Variants in PLCB1 observed in about 807,000 individuals in gnomAD.
PLCB1 encodes the protein 1-phosphatidylinositol 4,5-bisphosphate phosphodiesterase beta-1.
Under a neutral mutation model 161.8 loss-of-function variants are expected in PLCB1, and 46 were observed. The ratio of observed to expected loss-of-function variants is 0.28; its 90% CI spans 0.22 to 0.36. The LOEUF is 0.36. PLCB1 is among the 10% of genes least tolerant of loss of function. The pLI is 1.00. For synonymous variants in PLCB1, 517 were observed against 503.7 expected (o/e 1.03, Z -0.35); for missense variants, 1,016 against 1,472.5 (o/e 0.69, Z 5.07).
chr20:8,435,927 T>A (rs572854054), intron 3 of PLCB1, among the ~76,000 whole-genome samples: 1 of 152,338 alleles, frequency 6.6e-6, no homozygotes, highest in South Asian at 2.1e-4. Flanking sequence ...TTCAGGCATC[T>A]TTAAGGATAG....
At position 8,707,934 on chromosome 20, in the gene PLCB1, G is replaced by T. The variant is rs979464194; in HGVS notation, c.1168-736G>T. 8.5e-5 allele frequency among the ~76,000 whole-genome samples: 13 copies of T among 152,230 alleles called. 1 individual carries two copies. In the South Asian group the frequency reaches 2.1e-3, roughly 24 times the overall value. ...TGGTCGGCACAAACAACCATATATT[G>T]TATGGTTACATTTATATGAAATAAT... On this transcript the variant is annotated intron_variant, in intron 11 of 31. Transcript: ENST00000338037.
intron 2 of PLCB1, among the ~76,000 whole-genome samples, chr20:8,307,604 T>C (rs530811387): frequency 1.3e-5 from 2 of 152,098 alleles, no homozygotes; most frequent in African/African-American, 4.8e-5. Flanking sequence ...CTAATCCCAA[T>C]TAATCATTAA....
intron 11 of PLCB1, among the ~76,000 whole-genome samples, chr20:8,698,303 C>T (rs1990624903): frequency 1.3e-5 from 2 of 152,112 alleles, no homozygotes; most frequent in Non-Finnish European, 2.9e-5. Flanking sequence ...GCACAAAGTA[C>T]AAATTTATAT....
chr20:8,622,415 T>C (rs1048565059), intron 3 of PLCB1, among the ~76,000 whole-genome samples: 2 of 152,210 alleles, frequency 1.3e-5, no homozygotes, highest in Admixed American at 6.5e-5. Context: ...TCCATTGATA[T>C]TCTATTGGCT....
intron 4 of PLCB1, among the ~76,000 whole-genome samples, chr20:8,631,502 C>T (rs1483348816): frequency 6.6e-6 from 1 of 152,204 alleles, no homozygotes; most frequent in Non-Finnish European, 1.5e-5. Flanking sequence ...AATAAAACCT[C>T]AGGTCCTGAC....
In PLCB1 at chr20:8,823,119, C is replaced by A. The variant is rs1443988220; in HGVS notation, c.3423+32858C>A. Among the ~76,000 whole-genome samples, 6 of 152,102 alleles carry A rather than the reference C, an allele frequency of 3.9e-5. No individual in the cohort carries two copies. The East Asian group carries it at 9.7e-4, about 25-fold the overall frequency. The stretch of plus-strand genomic sequence containing the variant: ...AACGGGCATATGCAAATACTACACC[C>A]CTTTTTTGTTTTTTGTTTTTTGAGA... On this transcript the variant is annotated intron_variant, in intron 31 of 31. Coordinates refer to ENST00000338037, the MANE Select transcript of PLCB1 (RefSeq NM_015192.4).
At chr20:8,622,210 C>G (rs1196318969) in intron 3 of PLCB1, among the ~76,000 whole-genome samples, 3 of 150,466 alleles carry the variant, frequency 2.0e-5, no homozygotes, top group Non-Finnish European at 4.4e-5. Flanking sequence ...GCCAAGATCA[C>G]GCCACTGCAT....
intron 3 of PLCB1, among the ~76,000 whole-genome samples, chr20:8,540,914 T>A (rs889418317): frequency 2.0e-5 from 3 of 152,196 alleles, no homozygotes; most frequent in Non-Finnish European, 2.9e-5. Flanking sequence ...TTTATTTATT[T>A]TTTTTACTAA....
chr20:8,724,883 A>G, intron 16 of PLCB1, 131 bp downstream of exon 16: 2 of 599,950 alleles, frequency 3.3e-6, no homozygotes, highest in South Asian at 2.1e-5. Flanking sequence ...ATATATGTAC[A>G]TTTTGACTGC....
intron 3 of PLCB1, among the ~76,000 whole-genome samples, chr20:8,531,781 CA>C (rs1229872415): frequency 6.6e-6 from 1 of 151,782 alleles, no homozygotes; most frequent in Non-Finnish European, 1.5e-5. Context: ...TGTATATGCA[CA>C]CTTGTCTTGA....
At position 8,739,350 on chromosome 20, in the gene PLCB1, C is replaced by T. The variant is rs982178151; in HGVS notation, c.2298C>T (p.Ala766=). The T allele has an allele frequency of 6.2e-7, 1 of 1,609,460 alleles. No individual in the cohort carries two copies. The highest frequency in any genetic ancestry group is 1.1e-5 in the South Asian group (1 of 90,976). ...GCCACCGTATCTTGCCAGTGCAAGC[C>T]ATTCGGCCAGGTATGGGTAGTGTGC... ...FIGHRILPVQ[A]IRPGYHYICL... The change falls in exon 21 of 32, where the codon GCC becomes GCT. Residue 766 remains alanine (A), a synonymous_variant. Coordinates refer to ENST00000338037, the MANE Select transcript of PLCB1 (RefSeq NM_015192.4).
chr20:8,590,954 T>C (rs948420506), intron 3 of PLCB1, among the ~76,000 whole-genome samples: 1 of 152,132 alleles, frequency 6.6e-6, no homozygotes, highest in African/African-American at 2.4e-5. Context: ...ATTAGCTATG[T>C]TTCCTAATGT....
intron 10 of PLCB1, among the ~76,000 whole-genome samples, chr20:8,690,310 TTA>T (rs1990447592): frequency 6.6e-6 from 1 of 152,122 alleles, no homozygotes; most frequent in African/African-American, 2.4e-5. Context: ...GAAAGTTTAC[TTA>T]TTGCAAGGCA....
At chr20:8,448,491 C>G (rs1980934728) in intron 3 of PLCB1, among the ~76,000 whole-genome samples, 1 of 152,142 alleles carries the variant, frequency 6.6e-6, no homozygotes, top group South Asian at 2.1e-4. Context: ...GAAGCCTGAG[C>G]TGGCAGAATA....
At chr20:8,197,118 G>A (rs1042709181) in intron 2 of PLCB1, among the ~76,000 whole-genome samples, 7 of 152,024 alleles carry the variant, frequency 4.6e-5, no homozygotes, top group East Asian at 3.9e-4. Flanking sequence ...GAGTAGTGCC[G>A]CAATAAACAT....
Position 8,765,371 on chromosome 20 carries a change from A to G in PLCB1, c.2930+13A>G, listed in dbSNP as rs779541589. 1.3e-6 allele frequency: 2 copies of G among 1,578,056 alleles called. No homozygotes were observed. The highest frequency in any genetic ancestry group is 1.7e-6 in the Non-Finnish European group (2 of 1,153,722). Reference sequence around the variant, plus strand: ...ACAGTAAGAAAAAGTAAGTTCAATGAATATTTTTAGTTGGTTTCATAGCAT... The same window carrying G: ...ACAGTAAGAAAAAGTAAGTTCAATGGATATTTTTAGTTGGTTTCATAGCAT... On this transcript the variant is annotated intron_variant, in intron 26 of 31. Transcript: ENST00000338037.
At chr20:8,552,621 C>T (rs77765355) in intron 3 of PLCB1, among the ~76,000 whole-genome samples, 2,058 of 152,282 alleles carry the variant, frequency 0.014, 19 homozygotes, top group Non-Finnish European at 0.02. Context: ...ATTCTTGGCT[C>T]TGCTTTTTTT....
chr20:8,661,501 G>T (rs774390632), intron 9 of PLCB1, among the ~76,000 whole-genome samples: 1 of 150,568 alleles, frequency 6.6e-6, no homozygotes, highest in Non-Finnish European at 1.5e-5. Context: ...GTTCTGGCTG[G>T]CTGTATTTGT....
intron 4 of PLCB1, among the ~76,000 whole-genome samples, chr20:8,640,248 T>C (rs1988904748): frequency 6.6e-6 from 1 of 152,248 alleles, no homozygotes; most frequent in Admixed American, 6.5e-5. Flanking sequence ...AGTTTTAAGA[T>C]TGTCGAACTG....
Sources: gnomAD v4.1 joint callset for allele counts (sites outside exome capture counted in the v4.1 genomes callset) on GRCh38, gnomAD v4.1.1 for gene constraint, MANE v1.5 for transcripts, NCBI Gene and HGNC (gene_info 2026-07-23, HGNC 2026-07-21) for gene names.